The following SF3A3 variants were observed in gnomAD, a reference collection of about 807,000 sequenced individuals.
The protein encoded by SF3A3 is SAP 61.
SF3A3 carries 9 observed loss-of-function variants against 85.8 expected under a neutral mutation model. The observed-to-expected ratio is 0.10, with a 90% confidence interval of 0.06 to 0.18. The LOEUF (loss-of-function observed/expected upper bound fraction) is 0.18, where lower values mean the gene tolerates loss of function less well. SF3A3 is among the 10% of genes least tolerant of loss of function. The probability of loss-of-function intolerance (pLI) is 1.00; values close to 1 mark genes in which losing one functional copy is unlikely to be tolerated. For synonymous variants in SF3A3, 195 were observed against 204.4 expected, an observed-to-expected ratio of 0.95 and a Z score of 0.39; for missense variants, 306 against 593.3, an observed-to-expected ratio of 0.52 and a Z score of 5.03.
chr1:37,969,856 G>C (rs184695539), intron 12 of SF3A3, 121 bp from the exon 13 acceptor site: 2 of 1,080,180 alleles, frequency 1.9e-6, no homozygotes, highest in East Asian at 5.0e-5. Flanking sequence ...CTTTCTTACA[G>C]AATAAAGGAA....
intron 12 of SF3A3, among the ~76,000 whole-genome samples, chr1:37,972,953 G>A (rs1646353435): frequency 6.6e-6 from 1 of 152,144 alleles, no homozygotes; most frequent in Non-Finnish European, 1.5e-5. Flanking sequence ...GGCCAAGGTG[G>A]GTGGATCACC....
intron 1 of SF3A3, 124 bp downstream of exon 1, chr1:37,989,746 G>A (rs764093935): frequency 4.9e-6 from 6 of 1,216,878 alleles, no homozygotes; most frequent in African/African-American, 1.5e-5. Flanking sequence ...TACCAAGACC[G>A]GAGCTCGGAG....
intron 6 of SF3A3, among the ~76,000 whole-genome samples, chr1:37,982,663 C>T (rs1486740545): frequency 4.6e-5 from 7 of 151,792 alleles, no homozygotes; most frequent in South Asian, 2.1e-4. Context: ...TGAGCCACCG[C>T]GCCCGGCCTG....
chr1:37,986,155 C>A (rs1434410319), intron 4 of SF3A3, among the ~76,000 whole-genome samples: 2 of 151,992 alleles, frequency 1.3e-5, no homozygotes, highest in Non-Finnish European at 2.9e-5. Flanking sequence ...ACCATTTTGG[C>A]CAGGCTGGTC....
chr1:37,984,162 G>T lies in SF3A3; in HGVS notation c.468+7C>A. 1 of 1,554,152 alleles carries T rather than the reference G, an allele frequency of 6.4e-7. No homozygotes were observed. Among genetic ancestry groups the T allele is most frequent in the Non-Finnish European group, 8.9e-7 (1 of 1,128,592 alleles). ...TCAGAACCTCTCTGCCCTTTCCCAG[G>T]CCTTACCTCAGATGCCTTCAGGTTA... On this transcript the variant is annotated splice_region_variant and intron_variant, in intron 6 of 16. Transcript: ENST00000373019.
At chr1:37,986,431 G>A (rs975821737) in intron 4 of SF3A3, among the ~76,000 whole-genome samples, 2 of 152,076 alleles carry the variant, frequency 1.3e-5, no homozygotes, top group East Asian at 1.9e-4. Context: ...CTTCAGTAAG[G>A]CAACACCACC....
At chr1:37,980,246 G>T (rs775699387) in intron 8 of SF3A3, among the ~76,000 whole-genome samples, 1 of 152,126 alleles carries the variant, frequency 6.6e-6, no homozygotes, top group African/African-American at 2.4e-5. Context: ...CAAATATGGA[G>T]AAACCCTGTC....
intron 13 of SF3A3, 52 bp from the exon 14 acceptor site, chr1:37,969,516 CTG>C: frequency 6.2e-7 from 1 of 1,613,660 alleles, no homozygotes; most frequent in Non-Finnish European, 8.5e-7. Context: ...CTACTAAACT[CTG>C]TATCTGTTTC....
At chr1:37,987,354 C>T (rs1337172063) in intron 4 of SF3A3, among the ~76,000 whole-genome samples, 1 of 152,186 alleles carries the variant, frequency 6.6e-6, no homozygotes. Context: ...GCTGGGATTA[C>T]AGGCGTGAGC....
chr1:37,963,957 A>G (rs970918334), intron 15 of SF3A3, among the ~76,000 whole-genome samples: 3 of 149,662 alleles, frequency 2.0e-5, no homozygotes, highest in Non-Finnish European at 4.4e-5. Flanking sequence ...CAAGGCGGGC[A>G]GATCATGAGG....
At chr1:37,979,697 AATT>A (rs1646403276) in intron 8 of SF3A3, among the ~76,000 whole-genome samples, 164 bp from the exon 9 acceptor site, 1 of 152,098 alleles carries the variant, frequency 6.6e-6, no homozygotes, top group South Asian at 2.1e-4. Context: ...CTCTACAAAA[AATT>A]ATCTGAATTA....
intron 15 of SF3A3, among the ~76,000 whole-genome samples, chr1:37,961,572 G>GA (rs1646258598): frequency 1.3e-5 from 2 of 150,670 alleles, no homozygotes; most frequent in Non-Finnish European, 3.0e-5. Context: ...CAACAAGAGT[G>GA]GAACTCCGTC....
In SF3A3 at chr1:37,986,228, G is replaced by A. The variant is rs183564891; in HGVS notation, c.303+1345C>T. On this transcript the variant is annotated intron_variant, in intron 4 of 16. Transcript: ENST00000373019. ...CTCCCAAAGTGCTGGGATTACAGGC[G>A]TGAGTCACTGCACCTGGCTACCAGC... 1.5e-3 allele frequency among the ~76,000 whole-genome samples: 221 copies of A among 152,138 alleles called. 3 individuals carry two copies. The highest frequency in any genetic ancestry group is 0.014 in the East Asian group (71 of 5,154).
intron 6 of SF3A3, 107 bp downstream of exon 6, chr1:37,984,062 A>T (rs956676848): frequency 1.1e-4 from 64 of 560,982 alleles, no homozygotes; most frequent in Non-Finnish European, 1.9e-4. Context: ...TAAGAGTTTT[A>T]AAACACAAGG....
At chr1:37,967,547 C>T (rs113279479) in intron 15 of SF3A3, among the ~76,000 whole-genome samples, 239 of 151,270 alleles carry the variant, frequency 1.6e-3, no homozygotes, top group African/African-American at 5.4e-3. Context: ...AGTGTGGTGG[C>T]GGGCGCCTGT....
chr1:37,984,633 C>A, intron 5 of SF3A3, 74 bp downstream of exon 5: 1 of 977,564 alleles, frequency 1.0e-6, no homozygotes, highest in South Asian at 1.3e-5. Flanking sequence ...ATCTCTGAGG[C>A]CATGGCTGCA....
At chr1:37,961,555 G>T (rs1216147338) in intron 15 of SF3A3, among the ~76,000 whole-genome samples, 1 of 151,396 alleles carries the variant, frequency 6.6e-6, no homozygotes, top group Non-Finnish European at 1.5e-5. Context: ...CTGCACTCCA[G>T]TCTGGGCAAC....
chr1:37,984,845 TG>T, intron 4 of SF3A3, 66 bp from the exon 5 acceptor site: 2 of 1,325,922 alleles, frequency 1.5e-6, no homozygotes, highest in Non-Finnish European at 2.2e-6. Context: ...TCTCACTCTG[TG>T]GCCCAGGCTG....
intron 15 of SF3A3, among the ~76,000 whole-genome samples, chr1:37,961,565 CAA>C (rs1246553695): frequency 2.4e-4 from 36 of 150,898 alleles, no homozygotes. Context: ...GTCTGGGCAA[CAA>C]GAGTGGAACT....
Sources: allele counts gnomAD v4.1 joint callset (sites outside exome capture counted in the v4.1 genomes callset), GRCh38; gene constraint gnomAD v4.1.1; transcripts MANE v1.5; gene names NCBI Gene and HGNC (gene_info 2026-07-23, HGNC 2026-07-21).